CACNB2: variants seen among roughly 807,000 people sequenced by gnomAD.
CACNB2 encodes calcium voltage-gated channel auxiliary subunit beta 2, also known as voltage-dependent L-type calcium channel subunit beta-2.
Under a neutral mutation model 73.3 loss-of-function variants are expected in CACNB2, and 42 were observed. That is an observed-to-expected ratio of 0.57 (90% CI 0.45 to 0.74). The LOEUF is 0.74. Ranked by LOEUF, CACNB2 falls within the 30% of genes least tolerant of loss-of-function variation. The probability of loss-of-function intolerance (pLI) is 0.00; values close to 1 mark genes in which losing one functional copy is unlikely to be tolerated. For synonymous variants in CACNB2, 348 were observed against 310.3 expected (o/e 1.12, Z -1.28); for missense variants, 940 against 853.0 (o/e 1.10, Z -1.27).
intron 2 of CACNB2, among the ~76,000 whole-genome samples, chr10:18,216,725 T>A (rs7897853): frequency 0.063 from 9,523 of 152,242 alleles, 455 homozygotes; most frequent in African/African-American, 0.12. Flanking sequence ...TCATAACCCC[T>A]CATGGCTTTT....
intron 2 of CACNB2, among the ~76,000 whole-genome samples, chr10:18,153,106 A>G (rs1346559675): frequency 6.6e-6 from 1 of 152,214 alleles, no homozygotes; most frequent in African/African-American, 2.4e-5. Flanking sequence ...AGCTTTAAAC[A>G]CCATTATAAG....
chr10:18,230,842 GCTT>G (rs1390911655), intron 2 of CACNB2, among the ~76,000 whole-genome samples: 1 of 94,472 alleles, frequency 1.1e-5, no homozygotes, highest in Non-Finnish European at 2.7e-5. Context: ...ATTTTTTGTA[GCTT>G]TTTTTTTTTT....
intron 2 of CACNB2, among the ~76,000 whole-genome samples, chr10:18,365,608 A>G (rs553472085): frequency 6.0e-5 from 9 of 150,978 alleles, no homozygotes; most frequent in African/African-American, 2.2e-4. Context: ...TTGTACTACA[A>G]GGATGTTTGG....
At chr10:18,495,091 C>G (rs1425230384) in intron 3 of CACNB2, among the ~76,000 whole-genome samples, 2 of 152,080 alleles carry the variant, frequency 1.3e-5, no homozygotes, top group Non-Finnish European at 2.9e-5. Context: ...GGACTCCATC[C>G]TAAGAAAATA....
intron 3 of CACNB2, among the ~76,000 whole-genome samples, chr10:18,450,774 C>T (rs1053921349): frequency 4.0e-5 from 6 of 151,882 alleles, no homozygotes; most frequent in African/African-American, 1.5e-4. Context: ...AGGTGTGCAC[C>T]ACCATGACTG....
At chr10:18,282,412 C>G (rs184485700) in intron 2 of CACNB2, among the ~76,000 whole-genome samples, 1 of 152,122 alleles carries the variant, frequency 6.6e-6, no homozygotes, top group Non-Finnish European at 1.5e-5. Context: ...TTGTCATAGA[C>G]AAAAGATAGA....
chr10:18,428,965 G>A (rs955767045), intron 3 of CACNB2, among the ~76,000 whole-genome samples: 2 of 152,126 alleles, frequency 1.3e-5, no homozygotes, highest in African/African-American at 4.8e-5. Context: ...ACTTTTAAAA[G>A]TAAGTCTGTA....
intron 5 of CACNB2, among the ~76,000 whole-genome samples, chr10:18,501,988 A>T (rs911838844): frequency 1.3e-5 from 2 of 152,210 alleles, no homozygotes; most frequent in African/African-American, 4.8e-5. Context: ...GCATTCAGTC[A>T]TATAAAAGTA....
At chr10:18,189,167 G>A (rs1443134905) in intron 2 of CACNB2, among the ~76,000 whole-genome samples, 2 of 152,044 alleles carry the variant, frequency 1.3e-5, no homozygotes, top group Non-Finnish European at 2.9e-5. Flanking sequence ...CCTCAAAGTA[G>A]TTTCTTCTTG....
intron 2 of CACNB2, among the ~76,000 whole-genome samples, chr10:18,315,785 C>T (rs1429583293): frequency 6.6e-6 from 1 of 152,130 alleles, no homozygotes; most frequent in Non-Finnish European, 1.5e-5. Flanking sequence ...AAAATAAGTT[C>T]TGATGTGTAG....
At chr10:18,465,596 C>T (rs79707112) in intron 3 of CACNB2, among the ~76,000 whole-genome samples, 1 of 152,204 alleles carries the variant, frequency 6.6e-6, no homozygotes, top group East Asian at 1.9e-4. Context: ...TACTTCCTCC[C>T]AGGATGCATG....
chr10:18,353,559 C>A (rs965493798), intron 2 of CACNB2, among the ~76,000 whole-genome samples: 3 of 152,144 alleles, frequency 2.0e-5, no homozygotes, highest in Non-Finnish European at 4.4e-5. Flanking sequence ...TCACAGTTCG[C>A]CGATCTACGT....
chr10:18,315,499 T>TTAA lies in CACNB2; in HGVS notation c.214-86425_214-86424insTAA, dbSNP rs2040134197. On this transcript the variant is annotated intron_variant, in intron 2 of 13. Coordinates refer to ENST00000324631, the MANE Select transcript of CACNB2 (RefSeq NM_201596.3). Reference sequence around the variant, plus strand: ...AGCAAAAAGAGACCTTGTCTCTATTTAAAAAAAAAAAAAAAAAAAAAAAAA... The same window carrying TTAA: ...AGCAAAAAGAGACCTTGTCTCTATTTTAAAAAAAAAAAAAAAAAAAAAAAAAAA... Among the ~76,000 whole-genome samples the TTAA allele has an allele frequency of 1.3e-4, 5 of 39,512 alleles. 1 individual carries two copies. Among genetic ancestry groups the TTAA allele is most frequent in the Admixed American group, 5.4e-4 (1 of 1,836 alleles). The allele number at this position is 39,512 out of a possible 152,430, so 25.9% of individuals were successfully genotyped here.
intron 3 of CACNB2, among the ~76,000 whole-genome samples, chr10:18,419,539 CA>C (rs1273668301): frequency 6.6e-6 from 1 of 152,126 alleles, no homozygotes. Context: ...ATTGGAGTTT[CA>C]GGGGTGGTAG....
intron 2 of CACNB2, among the ~76,000 whole-genome samples, chr10:18,376,717 A>C (rs1033544809): frequency 6.6e-6 from 1 of 152,088 alleles, no homozygotes; most frequent in Non-Finnish European, 1.5e-5. Flanking sequence ...ATCTTGGGGC[A>C]GACATCTTTC....
intron 2 of CACNB2, among the ~76,000 whole-genome samples, chr10:18,186,459 A>G (rs2034157653): frequency 6.6e-6 from 1 of 152,068 alleles, no homozygotes; most frequent in Admixed American, 6.6e-5. Context: ...AGACTGGGTA[A>G]TTTCTAAAGA....
intron 5 of CACNB2, among the ~76,000 whole-genome samples, chr10:18,505,609 C>T (rs2050445984): frequency 6.6e-6 from 1 of 152,102 alleles, no homozygotes; most frequent in African/African-American, 2.4e-5. Flanking sequence ...CCTGGCTCGG[C>T]CATAATAATA....
intron 2 of CACNB2, among the ~76,000 whole-genome samples, chr10:18,236,368 A>G (rs2036446010): frequency 6.6e-6 from 1 of 152,264 alleles, no homozygotes; most frequent in Non-Finnish European, 1.5e-5. Flanking sequence ...CACAGTATGG[A>G]CATCTCTGTA....
intron 10 of CACNB2, among the ~76,000 whole-genome samples, chr10:18,530,584 T>C (rs955151484): frequency 1.3e-5 from 2 of 151,370 alleles, no homozygotes; most frequent in Non-Finnish European, 2.9e-5. Flanking sequence ...TAATAAAGTG[T>C]AGAGTATATC....
Sources: allele counts gnomAD v4.1 joint callset (sites outside exome capture counted in the v4.1 genomes callset), GRCh38; gene constraint gnomAD v4.1.1; transcripts MANE v1.5; gene names NCBI Gene and HGNC (gene_info 2026-07-23, HGNC 2026-07-21).